Variants in KLF3 observed in about 807,000 individuals in gnomAD.
KLF3 encodes KLF transcription factor 3, also known as Krueppel-like factor 3.
Under a neutral mutation model 32.7 loss-of-function variants are expected in KLF3, and 6 were observed. The ratio of observed to expected loss-of-function variants is 0.18; its 90% CI spans 0.10 to 0.36. The LOEUF (loss-of-function observed/expected upper bound fraction) is 0.36. Ranked by LOEUF, KLF3 falls within the 10% of genes least tolerant of loss-of-function variation. The probability of loss-of-function intolerance (pLI) is 1.00; values close to 1 mark genes in which losing one functional copy is unlikely to be tolerated. For synonymous variants in KLF3, 145 were observed against 172.8 expected (o/e 0.84, Z 1.26); for missense variants, 338 against 449.7 (o/e 0.75, Z 2.25).
chr4:38,688,808 G>A lies in KLF3; in HGVS notation c.281G>A (p.Gly94Glu), dbSNP rs768992554. The change falls in exon 3 of 6, where the codon GGG (glycine) becomes GAG (glutamate). Residue 94 changes from glycine to glutamate, a missense_variant. Physicochemically the swap from Gly to Glu is moderately conservative, Grantham distance 98 (BLOSUM62 -2). This residue lies in a region of KLF3 where 272 missense variants were observed against 313.4 expected (regional missense o/e 0.87). Coordinates refer to ENST00000261438, the MANE Select transcript of KLF3 (RefSeq NM_016531.6). This position sits in a 1 kb window ranked among gnomAD's most constrained non-coding sequence, Gnocchi z 4.9. ...FPSSHRRASP[G>E]LSMPSSSPPI... ...TCCTCACACCGGAGAGCCTCGCCTG[G>A]GTTGAGCATGCCTTCTTCCAGCCCA... The A allele has an allele frequency of 1.2e-6, 2 of 1,614,190 alleles. No homozygotes were observed. Among genetic ancestry groups the A allele is most frequent in the Non-Finnish European group, 1.7e-6 (2 of 1,180,034 alleles).
intron 4 of KLF3, among the ~76,000 whole-genome samples, chr4:38,691,891 A>T (rs1329578071): frequency 6.6e-6 from 1 of 152,220 alleles, no homozygotes; most frequent in Non-Finnish European, 1.5e-5. Flanking sequence ...ACCCAGTACC[A>T]CTGCAGTGAG....
chr4:38,667,581 G>T (rs1426753116), intron 1 of KLF3, among the ~76,000 whole-genome samples: 1 of 152,198 alleles, frequency 6.6e-6, no homozygotes, highest in African/African-American at 2.4e-5. Flanking sequence ...TTGGGGAAAC[G>T]TGGGTCCATC....
At position 38,688,538 on chromosome 4, in the gene KLF3, A is replaced by T; in HGVS notation, c.58-47A>T. On this transcript the variant is annotated intron_variant, in intron 2 of 5. Coordinates refer to ENST00000261438, the MANE Select transcript of KLF3 (RefSeq NM_016531.6). This position sits in a 1 kb window ranked among gnomAD's most constrained non-coding sequence, Gnocchi z 4.9. ...TTTTCTTAATTCATGTTTCAAGTAAATGGACTTATTTGGCTGTTGACACGT... is the reference window on the plus strand; with the variant it reads ...TTTTCTTAATTCATGTTTCAAGTAATTGGACTTATTTGGCTGTTGACACGT... The T allele has an allele frequency of 6.6e-7, 1 of 1,522,108 alleles. No individual in the cohort carries two copies. Among genetic ancestry groups the T allele is most frequent in the Non-Finnish European group, 8.8e-7 (1 of 1,132,776 alleles). The allele number at this position is 1,522,108 out of a possible 1,614,324, so 94.3% of individuals were successfully genotyped here. A position where few individuals can be genotyped will look rare whatever the true frequency, so the allele number is the denominator to read the frequency against.
chr4:38,697,072 C>G lies in KLF3; in HGVS notation c.857-10C>G, dbSNP rs1723063673. ...AAAAAAAAATAGCTCTTTTCTTTTT[C>G]CTTTTGCAGGAGAAAAACCCTACAA... On this transcript the variant is annotated splice_polypyrimidine_tract_variant and intron_variant, in intron 5 of 5. Coordinates refer to ENST00000261438, the MANE Select transcript of KLF3 (RefSeq NM_016531.6). 1 of 1,562,068 alleles carries G rather than the reference C, an allele frequency of 6.4e-7. No homozygotes were observed. The highest frequency in any genetic ancestry group is 8.7e-7 in the Non-Finnish European group (1 of 1,155,630).
intron 1 of KLF3, among the ~76,000 whole-genome samples, chr4:38,672,807 G>A (rs1047428963): frequency 6.6e-6 from 1 of 152,310 alleles, no homozygotes; most frequent in Middle Eastern, 3.4e-3. Context: ...GAGACCAGTG[G>A]TGGAAAAGCT....
chr4:38,680,398 G>A (rs1722483159), intron 1 of KLF3, among the ~76,000 whole-genome samples, 189 bp from the exon 2 acceptor site: 1 of 151,930 alleles, frequency 6.6e-6, no homozygotes, highest in Non-Finnish European at 1.5e-5. Context: ...ATTTTTAGTG[G>A]AGACGGGGTT....
chr4:38,688,862 C>T lies in KLF3; in HGVS notation c.335C>T (p.Pro112Leu). The change falls in exon 3 of 6, where the codon CCA becomes CTA. Residue 112 changes from proline to leucine, a missense_variant. Coordinates refer to ENST00000261438, the MANE Select transcript of KLF3 (RefSeq NM_016531.6). This position sits in a 1 kb window ranked among gnomAD's most constrained non-coding sequence, Gnocchi z 4.9. ...PPIKKYSPPS[P>L]GVQPFGVPLS... is the part of the protein sequence containing the mutation. The stretch of plus-strand genomic sequence containing the variant: ...ATAAAAAAATACTCACCCCCTTCTC[C>T]AGGCGTGCAGCCCTTCGGCGTGCCG... 1 of 1,614,238 alleles carries T rather than the reference C, an allele frequency of 6.2e-7. No individual in the cohort carries two copies. Among genetic ancestry groups the T allele is most frequent in the Non-Finnish European group, 8.5e-7 (1 of 1,180,042 alleles).
At chr4:38,673,574 A>G (rs996652557) in intron 1 of KLF3, among the ~76,000 whole-genome samples, 3 of 152,220 alleles carry the variant, frequency 2.0e-5, no homozygotes, top group Non-Finnish European at 4.4e-5. Flanking sequence ...GTGTAACCCT[A>G]GTAGGGAAAA....
rs770934673 is a variant in KLF3 at position 38,700,559 on chromosome 4, A to C, written c.*3296A>C. The C allele has an allele frequency of 7.2e-5, 11 of 152,260 alleles. No homozygotes were observed. The highest frequency in any genetic ancestry group is 5.2e-4 in the Admixed American group (8 of 15,286). 9.4% of individuals were successfully genotyped at this position (152,260 alleles called of 1,614,324 possible). A position where few individuals can be genotyped will look rare whatever the true frequency, so the allele number is the denominator to read the frequency against. ...ACCTAAACAATACATTTACAAAGCCATCTTTACATGCATTAAACGAGGGCT... is the reference window on the plus strand; with the variant it reads ...ACCTAAACAATACATTTACAAAGCCCTCTTTACATGCATTAAACGAGGGCT... On this transcript the variant is annotated 3_prime_UTR_variant, in exon 6 of 6. Coordinates refer to ENST00000261438, the MANE Select transcript of KLF3 (RefSeq NM_016531.6).
chr4:38,669,820 G>A (rs1722144302), intron 1 of KLF3, among the ~76,000 whole-genome samples: 1 of 146,744 alleles, frequency 6.8e-6, no homozygotes, highest in Non-Finnish European at 1.5e-5. Flanking sequence ...CTGAACCTGG[G>A]AGGTGGAGGT....
chr4:38,672,699 C>T lies in KLF3; in HGVS notation c.-39-7888C>T, dbSNP rs540670595. 5.3e-5 allele frequency among the ~76,000 whole-genome samples: 8 copies of T among 151,866 alleles called. No individual in the cohort carries two copies. In the South Asian group the frequency reaches 6.3e-4, roughly 12 times the overall value. ...CCCACTGTCAGACCCGGGGAGTGCA[C>T]GGGAGGGAAGGTTGTGAGCTGGAGA... On this transcript the variant is annotated intron_variant, in intron 1 of 5. Transcript: ENST00000261438.
At chr4:38,677,421 G>A (rs337614) in intron 1 of KLF3, among the ~76,000 whole-genome samples, 4,168 of 152,252 alleles carry the variant, frequency 0.027, 64 homozygotes, top group Middle Eastern at 0.092. Flanking sequence ...TTTCTAAAAG[G>A]ATTCAGTAGT....
intron 1 of KLF3, among the ~76,000 whole-genome samples, chr4:38,675,560 A>T (rs1363853339): frequency 6.6e-6 from 1 of 152,178 alleles, no homozygotes; most frequent in Non-Finnish European, 1.5e-5. Context: ...AAATAGAACC[A>T]CATTTAGAGC....
In KLF3 at chr4:38,675,043, G is replaced by T. The variant is rs140286403; in HGVS notation, c.-39-5544G>T. 8.4e-3 allele frequency among the ~76,000 whole-genome samples: 1,285 copies of T among 152,334 alleles called. 6 individuals are homozygous for T. Among genetic ancestry groups the T allele is most frequent in the Middle Eastern group, 0.02 (6 of 294 alleles). ...TGTGCATAGGTCTCAGACACCACTG[G>T]ATAGGGCTCCAAAGCAGGACTGCAT... On this transcript the variant is annotated intron_variant, in intron 1 of 5. Coordinates refer to ENST00000261438, the MANE Select transcript of KLF3 (RefSeq NM_016531.6).
Position 38,697,369 on chromosome 4 carries a change from T to A in KLF3, c.*106T>A, listed in dbSNP as rs1723071635. ...TTTTACATGTACATTTTAATTTGAT[T>A]CAGCTGGTCTGAATCTCTGAATTTA... On this transcript the variant is annotated 3_prime_UTR_variant, in exon 6 of 6. Coordinates refer to ENST00000261438, the MANE Select transcript of KLF3 (RefSeq NM_016531.6). 1.9e-6 allele frequency: 2 copies of A among 1,073,650 alleles called. No homozygotes were observed. The highest frequency in any genetic ancestry group is 2.7e-6 in the Non-Finnish European group (2 of 749,128). The allele number at this position is 1,073,650 out of a possible 1,614,324, so 66.5% of individuals were successfully genotyped here.
Position 38,672,607 on chromosome 4 carries a change from A to G in KLF3, c.-39-7980A>G, listed in dbSNP as rs114403419. Among the ~76,000 whole-genome samples the G allele has an allele frequency of 4.3e-3, 651 of 152,162 alleles. 4 individuals are homozygous for G. The highest frequency in any genetic ancestry group is 7.0e-3 in the Non-Finnish European group (474 of 68,000). On this transcript the variant is annotated intron_variant, in intron 1 of 5. Transcript: ENST00000261438. ...CCTGGGGGTGGGCAGGGCAGCCGGC[A>G]TGAAGGGCACTTGTTGGAGCAGGGG...
chr4:38,692,030 G>T (rs540326343), intron 4 of KLF3, among the ~76,000 whole-genome samples: 5 of 152,108 alleles, frequency 3.3e-5, no homozygotes, highest in Admixed American at 6.5e-5. Context: ...GCACTCAAAG[G>T]TACATCAAAT....
chr4:38,682,681 G>A (rs1722565385), intron 2 of KLF3, among the ~76,000 whole-genome samples: 1 of 151,718 alleles, frequency 6.6e-6, no homozygotes, highest in Non-Finnish European at 1.5e-5. Context: ...ATATAATTAA[G>A]TGCAAGGAAA....
Position 38,699,824 on chromosome 4 carries a change from A to G in KLF3, c.*2561A>G, listed in dbSNP as rs944293019. Reference sequence around the variant, plus strand: ...CCCTTACCAAACTTTTCTTATATATATATTTGTATTTTACTATGATAGTTG... The same window carrying G: ...CCCTTACCAAACTTTTCTTATATATGTATTTGTATTTTACTATGATAGTTG... On this transcript the variant is annotated 3_prime_UTR_variant, in exon 6 of 6. Coordinates refer to ENST00000261438, the MANE Select transcript of KLF3 (RefSeq NM_016531.6). The G allele has an allele frequency of 6.6e-6, 1 of 152,110 alleles. No individual in the cohort carries two copies. Among genetic ancestry groups the G allele is most frequent in the Non-Finnish European group, 1.5e-5 (1 of 68,010 alleles). The allele number at this position is 152,110 out of a possible 1,614,324, so 9.4% of individuals were successfully genotyped here.
Sources: allele counts gnomAD v4.1 joint callset (sites outside exome capture counted in the v4.1 genomes callset), GRCh38; gene constraint gnomAD v4.1.1; regional missense constraint gnomAD v4.1.1; non-coding constraint Gnocchi (gnomAD v3.1); transcripts MANE v1.5; gene names NCBI Gene and HGNC (gene_info 2026-07-23, HGNC 2026-07-21).